CAMK4: variants seen among roughly 807,000 people sequenced by gnomAD.
CAMK4 encodes the protein calcium/calmodulin dependent protein kinase IV, also known as calcium/calmodulin-dependent protein kinase type IV.
A neutral mutation model predicts 44.9 loss-of-function variants in CAMK4; 22 were observed. That is an observed-to-expected ratio of 0.49 (90% CI 0.35 to 0.70). The LOEUF is 0.70. Ranked by LOEUF, CAMK4 falls within the 30% of genes least tolerant of loss-of-function variation. The pLI is 0.01. For synonymous variants in CAMK4, 218 were observed against 215.4 expected (o/e 1.01, Z -0.11); for missense variants, 498 against 586.8 (o/e 0.85, Z 1.56).
At chr5:111,354,725 A>C (rs1440496404) in intron 2 of CAMK4, among the ~76,000 whole-genome samples, 1 of 152,086 alleles carries the variant, frequency 6.6e-6, no homozygotes, top group African/African-American at 2.4e-5. Flanking sequence ...AAAAATTACA[A>C]AATAAATAAG....
intron 1 of CAMK4, among the ~76,000 whole-genome samples, chr5:111,278,054 T>C (rs1355290956): frequency 6.6e-6 from 1 of 152,262 alleles, no homozygotes; most frequent in Non-Finnish European, 1.5e-5. Flanking sequence ...AATCAACTTA[T>C]TCTGTTACTT....
intron 1 of CAMK4, among the ~76,000 whole-genome samples, chr5:111,297,630 A>C (rs1237317203): frequency 6.6e-6 from 1 of 152,108 alleles, no homozygotes; most frequent in African/African-American, 2.4e-5. Context: ...TGCCCCTTTA[A>C]ATTTTCCACT....
At chr5:111,317,265 A>G (rs777969342) in intron 1 of CAMK4, among the ~76,000 whole-genome samples, 4 of 152,160 alleles carry the variant, frequency 2.6e-5, no homozygotes, top group Non-Finnish European at 5.9e-5. Context: ...GTTACATTAC[A>G]TAGTGATTTA....
chr5:111,438,987 C>T (rs949787623), intron 5 of CAMK4, among the ~76,000 whole-genome samples: 13 of 152,184 alleles, frequency 8.5e-5, no homozygotes, highest in East Asian at 7.7e-4. Flanking sequence ...TTGGCTGAAC[C>T]GGAGTAGCCT....
At chr5:111,393,190 C>T (rs1751871784) in intron 4 of CAMK4, among the ~76,000 whole-genome samples, 1 of 152,138 alleles carries the variant, frequency 6.6e-6, no homozygotes, top group Non-Finnish European at 1.5e-5. Flanking sequence ...TGGATGTAGG[C>T]ATTGATAATC....
chr5:111,438,896 T>A (rs1399164169), intron 5 of CAMK4, among the ~76,000 whole-genome samples: 1 of 152,170 alleles, frequency 6.6e-6, no homozygotes, highest in Non-Finnish European at 1.5e-5. Flanking sequence ...ATATTTTACA[T>A]CAAAAGAATC....
intron 4 of CAMK4, among the ~76,000 whole-genome samples, chr5:111,389,177 T>G (rs1751712135): frequency 6.6e-6 from 1 of 152,210 alleles, no homozygotes; most frequent in African/African-American, 2.4e-5. Flanking sequence ...ACTTTCTAGC[T>G]GTGTCTGCAC....
intron 1 of CAMK4, among the ~76,000 whole-genome samples, chr5:111,253,593 A>G (rs1004505235): frequency 2.0e-5 from 3 of 152,174 alleles, no homozygotes; most frequent in African/African-American, 4.8e-5. Context: ...ATGAAAGACA[A>G]TTTTTTGAAG....
intron 5 of CAMK4, among the ~76,000 whole-genome samples, chr5:111,443,756 T>C (rs1753930560): frequency 6.6e-6 from 1 of 152,204 alleles, no homozygotes; most frequent in Non-Finnish European, 1.5e-5. Flanking sequence ...TCTTTGTTAC[T>C]GTGTTCCTAT....
At chr5:111,339,487 C>G (rs1277321504) in intron 1 of CAMK4, among the ~76,000 whole-genome samples, 1 of 151,286 alleles carries the variant, frequency 6.6e-6, no homozygotes, top group Non-Finnish European at 1.5e-5. Context: ...TGAAAATATT[C>G]CTTCCCCATT....
In CAMK4 at chr5:111,488,616, T is replaced by C. The variant is rs973932274; in HGVS notation, c.*4150T>C. ...ATTTTGTTTCATAAATCAGTTTTTATTGCACAGAAGCAGCTGGTTGTATTT... is the reference window on the plus strand; with the variant it reads ...ATTTTGTTTCATAAATCAGTTTTTACTGCACAGAAGCAGCTGGTTGTATTT... On this transcript the variant is annotated 3_prime_UTR_variant, in exon 11 of 11. Transcript: ENST00000282356. 1 of 152,210 alleles carries C rather than the reference T, an allele frequency of 6.6e-6. No homozygotes were observed. Among genetic ancestry groups the C allele is most frequent in the Non-Finnish European group, 1.5e-5 (1 of 68,034 alleles). The allele number at this position is 152,210 out of a possible 1,614,324, so 9.4% of individuals were successfully genotyped here.
At chr5:111,443,645 G>T (rs1420729385) in intron 5 of CAMK4, among the ~76,000 whole-genome samples, 1 of 151,644 alleles carries the variant, frequency 6.6e-6, no homozygotes, top group African/African-American at 2.4e-5. Context: ...CACTTAGAAC[G>T]CAACCACCTT....
At chr5:111,322,129 C>T (rs1748688662) in intron 1 of CAMK4, among the ~76,000 whole-genome samples, 1 of 151,998 alleles carries the variant, frequency 6.6e-6, no homozygotes, top group African/African-American at 2.4e-5. Flanking sequence ...GGGCTGTGAT[C>T]ATTGAGAGAA....
intron 1 of CAMK4, among the ~76,000 whole-genome samples, chr5:111,268,289 C>G (rs1390914492): frequency 6.6e-6 from 1 of 152,040 alleles, no homozygotes; most frequent in Non-Finnish European, 1.5e-5. Context: ...GATCATAATT[C>G]TTATTCAAAT....
intron 1 of CAMK4, among the ~76,000 whole-genome samples, chr5:111,329,257 C>G (rs1749045594): frequency 6.6e-6 from 1 of 151,744 alleles, no homozygotes; most frequent in African/African-American, 2.4e-5. Context: ...TATGAGAAAC[C>G]CACAGCCAAT....
At chr5:111,392,527 CA>C (rs1319624026) in intron 4 of CAMK4, among the ~76,000 whole-genome samples, 1 of 151,144 alleles carries the variant, frequency 6.6e-6, no homozygotes, top group Non-Finnish European at 1.5e-5. Context: ...CAGAACAAAC[CA>C]AAAAAGAAGA....
At chr5:111,258,396 A>C (rs565154062) in intron 1 of CAMK4, among the ~76,000 whole-genome samples, 40 of 152,290 alleles carry the variant, frequency 2.6e-4, no homozygotes, top group African/African-American at 9.4e-4. Flanking sequence ...GACACACCCA[A>C]AACTGGGAAC....
intron 5 of CAMK4, among the ~76,000 whole-genome samples, chr5:111,419,070 A>C (rs371951318): frequency 1.3e-5 from 2 of 151,944 alleles, no homozygotes; most frequent in Non-Finnish European, 2.9e-5. Context: ...CAGTGTAAAA[A>C]TGTTCCTATT....
intron 1 of CAMK4, among the ~76,000 whole-genome samples, chr5:111,282,563 A>C (rs908324968): frequency 1.3e-5 from 2 of 152,130 alleles, no homozygotes; most frequent in Non-Finnish European, 2.9e-5. Flanking sequence ...AATTTCTGTA[A>C]TTAGCTTTGT....
Sources: gnomAD v4.1 joint callset for allele counts (sites outside exome capture counted in the v4.1 genomes callset) on GRCh38, gnomAD v4.1.1 for gene constraint, MANE v1.5 for transcripts, NCBI Gene and HGNC (gene_info 2026-07-23, HGNC 2026-07-21) for gene names.